SUN1: variants seen among roughly 807,000 people sequenced by gnomAD.
SUN1 encodes the protein Sad1 and UNC84 domain containing 1, also known as SUN domain-containing protein 1.
A neutral mutation model predicts 103.2 loss-of-function variants in SUN1; 61 were observed. That is an observed-to-expected ratio of 0.59 (90% CI 0.48 to 0.73). The LOEUF (loss-of-function observed/expected upper bound fraction) is 0.73, where lower values mean the gene tolerates loss of function less well. SUN1 is among the 30% of genes least tolerant of loss of function. SUN1 has a pLI of 0.00. For missense variants in SUN1, 1,052 were observed against 1,034.6 expected (o/e 1.02, Z -0.23); for synonymous variants, 490 against 425.7 (o/e 1.15, Z -1.86).
intron 5 of SUN1, among the ~76,000 whole-genome samples, chr7:844,721 C>T (rs894280719): frequency 1.3e-5 from 2 of 152,218 alleles, no homozygotes; most frequent in African/African-American, 2.4e-5. Flanking sequence ...CACCGCTGAG[C>T]GGCCACTCTG....
At chr7:869,970 G>T (rs1402395343) in intron 17 of SUN1, among the ~76,000 whole-genome samples, 2 of 151,510 alleles carry the variant, frequency 1.3e-5, no homozygotes, top group African/African-American at 2.4e-5. Context: ...AAGGTGGGCG[G>T]ATCACCTGAG....
intron 12 of SUN1, among the ~76,000 whole-genome samples, chr7:856,986 G>A (rs1228284852): frequency 6.6e-6 from 1 of 152,180 alleles, no homozygotes; most frequent in Non-Finnish European, 1.5e-5. Context: ...TGCAGTTCCT[G>A]GGGAAGCTGG....
rs1380519385 is a variant in SUN1, at chr7:845,659, C to T, written c.658+2139C>T. Among the ~76,000 whole-genome samples the T allele has an allele frequency of 2.0e-5, 3 of 152,016 alleles. No homozygotes were observed. The East Asian group carries it at 5.8e-4, about 29-fold the overall frequency. ...ATAGCTTTCCTTAAGTATAAATTGT[C>T]CCTCCACATTTTGTTTGTTTTTGTT... On this transcript the variant is annotated intron_variant, in intron 5 of 18. Transcript: ENST00000401592.
chr7:857,356 A>C (rs1259200957), intron 12 of SUN1, among the ~76,000 whole-genome samples: 1 of 152,106 alleles, frequency 6.6e-6, no homozygotes, highest in East Asian at 1.9e-4. Context: ...TGTCAATCCT[A>C]AAGTGTTGAT....
intron 17 of SUN1, among the ~76,000 whole-genome samples, chr7:870,997 T>A (rs1171083031): frequency 6.6e-6 from 1 of 151,360 alleles, no homozygotes; most frequent in Non-Finnish European, 1.5e-5. Flanking sequence ...TTCAAGCGAT[T>A]CTCCTGCCTC....
chr7:830,900 T>C (rs1363150179), upstream of SUN1: 2 of 972,294 alleles, frequency 2.1e-6, no homozygotes, highest in Admixed American at 6.1e-5. Flanking sequence ...GCATTGCTGC[T>C]GGGCGGGGCT....
intron 1 of SUN1, among the ~76,000 whole-genome samples, chr7:837,305 T>A (rs1361583008): frequency 6.6e-6 from 1 of 152,212 alleles, no homozygotes; most frequent in Non-Finnish European, 1.5e-5. Context: ...CTGAAGCACG[T>A]CAGTCTCAGA....
chr7:849,992 C>G, intron 5 of SUN1: 1 of 1,601,452 alleles, frequency 6.2e-7, no homozygotes, highest in South Asian at 1.1e-5. Context: ...CCACGGCTGC[C>G]CGGTCGGGCA....
At chr7:817,175 G>C (rs1410921562) in intron 1 of SUN1, 2 of 526,364 alleles carry the variant, frequency 3.8e-6, no homozygotes, top group Non-Finnish European at 6.9e-6. Flanking sequence ...TCCCAGGCTG[G>C]TCTCGACCTC....
intron 5 of SUN1, among the ~76,000 whole-genome samples, chr7:848,006 G>A (rs561128943): frequency 6.6e-4 from 98 of 148,630 alleles, no homozygotes; most frequent in African/African-American, 2.2e-3. Context: ...TCCAGTCTCC[G>A]GGATCCCCTG....
chr7:824,481 C>A (rs1202269653), intron 1 of SUN1, among the ~76,000 whole-genome samples: 2 of 152,192 alleles, frequency 1.3e-5, no homozygotes. Flanking sequence ...ACTATTTAAA[C>A]TATTTAATAG....
At chr7:817,604 C>T in intron 1 of SUN1, 1 of 1,371,902 alleles carries the variant, frequency 7.3e-7, no homozygotes, top group Non-Finnish European at 9.9e-7. Flanking sequence ...GTCTTCTAAG[C>T]TTCAGTCATA....
chr7:819,601 A>G (rs973764783), intron 1 of SUN1, among the ~76,000 whole-genome samples: 2 of 150,942 alleles, frequency 1.3e-5, no homozygotes, highest in South Asian at 2.1e-4. Context: ...CTTTTTCCCT[A>G]TTGAGTGGTC....
intron 5 of SUN1, among the ~76,000 whole-genome samples, chr7:844,155 A>C (rs1812857615): frequency 6.6e-6 from 1 of 152,146 alleles, no homozygotes; most frequent in Admixed American, 6.5e-5. Context: ...GAGAGACAGA[A>C]CCACAGGCCC....
intron 1 of SUN1, among the ~76,000 whole-genome samples, chr7:820,506 C>A (rs1784925627): frequency 6.6e-6 from 1 of 152,174 alleles, no homozygotes; most frequent in Non-Finnish European, 1.5e-5. Context: ...GATATGAGAT[C>A]ATGTCATCTG....
chr7:858,754 G>T (rs1216879023), intron 13 of SUN1, among the ~76,000 whole-genome samples: 1 of 152,244 alleles, frequency 6.6e-6, no homozygotes, highest in African/African-American at 2.4e-5. Context: ...AGTCATCAAA[G>T]TCAGACAGTA....
intron 17 of SUN1, 44 bp downstream of exon 17, chr7:869,560 G>A: frequency 6.3e-7 from 1 of 1,594,576 alleles, no homozygotes; most frequent in Non-Finnish European, 8.6e-7. Flanking sequence ...ACCTTCCTGG[G>A]AGTTCCCACA....
At chr7:870,131 G>C (rs1450764104) in intron 17 of SUN1, among the ~76,000 whole-genome samples, 1 of 151,198 alleles carries the variant, frequency 6.6e-6, no homozygotes, top group Non-Finnish European at 1.5e-5. Context: ...ACTTGATATA[G>C]GAGGTGGAGG....
At position 854,274 on chromosome 7, in the gene SUN1, G is replaced by A. The variant is rs1046484818; in HGVS notation, c.1264-646G>A. On this transcript the variant is annotated intron_variant, in intron 10 of 18. Coordinates refer to ENST00000401592, the MANE Select transcript of SUN1 (RefSeq NM_001130965.3). ...TGATCATGGCGGCGACTGGAACGCA[G>A]AGCAGGGCTTCCCTCCGAGGCGGTG... 7.9e-5 allele frequency among the ~76,000 whole-genome samples: 12 copies of A among 152,396 alleles called. 1 individual carries two copies. Among genetic ancestry groups the A allele is most frequent in the African/African-American group, 2.4e-4 (10 of 41,600 alleles).
Sources: allele counts gnomAD v4.1 joint callset (sites outside exome capture counted in the v4.1 genomes callset), GRCh38; gene constraint gnomAD v4.1.1; transcripts MANE v1.5; gene names NCBI Gene and HGNC (gene_info 2026-07-23, HGNC 2026-07-21).